The following AGPAT2 variants were observed in gnomAD, a reference collection of about 807,000 sequenced individuals.
AGPAT2 encodes the protein 1-acyl-sn-glycerol-3-phosphate acyltransferase beta.
A neutral mutation model predicts 26.1 loss-of-function variants in AGPAT2; 18 were observed. The ratio of observed to expected loss-of-function variants is 0.69; its 90% CI spans 0.48 to 1.02. AGPAT2 has a LOEUF of 1.02. Ranked by LOEUF, AGPAT2 falls within the 50% of genes least tolerant of loss-of-function variation. The pLI is 0.00. For synonymous variants in AGPAT2, 200 were observed against 174.2 expected (o/e 1.15, Z -1.16); for missense variants, 415 against 394.9 (o/e 1.05, Z -0.43).
chr9:136,676,168 G>C (rs1295794584), intron 4 of AGPAT2, among the ~76,000 whole-genome samples: 1 of 152,176 alleles, frequency 6.6e-6, no homozygotes, highest in East Asian at 1.9e-4. Context: ...GCTCTGGTCT[G>C]GCCTGATACT....
chr9:136,676,577 C>A lies in AGPAT2; in HGVS notation c.588+8G>T. The A allele has an allele frequency of 6.2e-7, 1 of 1,611,936 alleles. No homozygotes were observed. The highest frequency in any genetic ancestry group is 1.1e-5 in the South Asian group (1 of 90,996). ...GCACCCACCCAGGGAGGGCTGGGCTCAGCCTACCTGTGCCTGGACTGCCAG... is the reference window on the plus strand; with the variant it reads ...GCACCCACCCAGGGAGGGCTGGGCTAAGCCTACCTGTGCCTGGACTGCCAG... On this transcript the variant is annotated splice_region_variant and intron_variant, in intron 4 of 5. Transcript: ENST00000371696.
intron 1 of AGPAT2, 77 bp from the exon 2 acceptor site, chr9:136,677,633 G>A: frequency 1.3e-6 from 2 of 1,585,704 alleles, no homozygotes; most frequent in South Asian, 2.3e-5. Flanking sequence ...CTGGGGGTGG[G>A]GTGTGGAGGA....
At position 136,677,022 on chromosome 9, in the gene AGPAT2, T is replaced by G. The variant is rs1564291192; in HGVS notation, c.431A>C (p.Gln144Pro). Residue 144 changes from glutamine (Q) to proline (P), a missense_variant, in exon 3 of 6, where the codon CAG (glutamine) becomes CCG (proline). Transcript: ENST00000371696. ...YLGGVFFINR[Q>P]RSSTAMTVMA... ...CACTGTCATGGCAGTGCTAGAGCGC[T>G]GCCGGTTGATGAAGAAGACGCCCCC... The G allele has an allele frequency of 6.2e-7, 1 of 1,604,922 alleles. No homozygotes were observed. Among genetic ancestry groups the G allele is most frequent in the Non-Finnish European group, 8.5e-7 (1 of 1,175,692 alleles).
At chr9:136,676,035 T>G (rs1230094920) in intron 4 of AGPAT2, among the ~76,000 whole-genome samples, 1 of 152,086 alleles carries the variant, frequency 6.6e-6, no homozygotes, top group Admixed American at 6.5e-5. Flanking sequence ...GGACAGGTGC[T>G]GGGGGAATGG....
intron 5 of AGPAT2, among the ~76,000 whole-genome samples, chr9:136,674,178 A>C (rs1227382399): frequency 1.3e-5 from 2 of 152,116 alleles, no homozygotes; most frequent in African/African-American, 4.8e-5. Flanking sequence ...TACTGCCCCC[A>C]GAAAGCCCCA....
At chr9:136,682,657 T>A (rs1399207811) in intron 1 of AGPAT2, among the ~76,000 whole-genome samples, 1 of 152,238 alleles carries the variant, frequency 6.6e-6, no homozygotes, top group Non-Finnish European at 1.5e-5. Context: ...TAAGTGAGGC[T>A]GAGCCCAGAC....
chr9:136,679,685 C>T (rs574310471), intron 1 of AGPAT2, among the ~76,000 whole-genome samples: 14 of 152,220 alleles, frequency 9.2e-5, no homozygotes, highest in African/African-American at 2.9e-4. Context: ...ACGGCCGTGT[C>T]GCCAATCAAA....
Position 136,673,723 on chromosome 9 carries a change from CCCCA to C in AGPAT2, c.*25_*28del, listed in dbSNP as rs1564289188. On this transcript the variant is annotated 3_prime_UTR_variant, in exon 6 of 6. Transcript: ENST00000371696. ...CCAGCCATCGGCTTCCACCTGCCCT[CCCCA>C]GGTCATGCCCTGCCGTGGTCTGGGC... The C allele has an allele frequency of 1.2e-5, 18 of 1,540,020 alleles. No homozygotes were observed. The highest frequency in any genetic ancestry group is 1.5e-5 in the Non-Finnish European group (17 of 1,139,286).
rs121908926 is a variant in AGPAT2, at chr9:136,676,603, G to T, written c.570C>A (p.Tyr190Ter). 3 of 1,613,138 alleles carry T rather than the reference G, an allele frequency of 1.9e-6. No individual in the cohort carries two copies. In the African/African-American group the frequency reaches 4.0e-5, roughly 22 times the overall value. Residue 190 changes from tyrosine to a stop codon, truncating the protein, a stop_gained, in exon 4 of 6, where the codon TAC becomes TAA. Transcript: ENST00000371696. LOFTEE classifies it high-confidence loss of function. Reference protein sequence around the residue: ...DLLPFKKGAFYLAVQAQVPIV... With the variant: ...DLLPFKKGAF The stretch of plus-strand genomic sequence containing the variant: ...AGCCTACCTGTGCCTGGACTGCCAG[G>T]TAGAAGGCGCCCTTCTTAAAAGGCA...
At position 136,680,699 on chromosome 9, in the gene AGPAT2, TCTTG is replaced by T. The variant is rs574474850; in HGVS notation, c.183-3147_183-3144del. 3.7e-4 allele frequency among the ~76,000 whole-genome samples: 56 copies of T among 151,820 alleles called. 1 individual carries two copies. Among genetic ancestry groups the T allele is most frequent in the Admixed American group, 1.2e-3 (18 of 15,254 alleles). ...ATTTTTTATTTTTTTTGAGACGGAGTCTTGCTGTCACCTAGGCTGGAGTGCAGTG... is the reference window on the plus strand; with the variant it reads ...ATTTTTTATTTTTTTTGAGACGGAGTCTGTCACCTAGGCTGGAGTGCAGTG... On this transcript the variant is annotated intron_variant, in intron 1 of 5. Transcript: ENST00000371696.
rs1297522818 is a variant in AGPAT2, at chr9:136,687,420, C to A, written c.-63G>T. 12 of 1,347,290 alleles carry A rather than the reference C, an allele frequency of 8.9e-6. No homozygotes were observed. The highest frequency in any genetic ancestry group is 6.9e-5 in the South Asian group (4 of 57,804). 83.5% of individuals were successfully genotyped at this position (1,347,290 alleles called of 1,614,324 possible). On this transcript the variant is annotated 5_prime_UTR_variant, in exon 1 of 6. Coordinates refer to ENST00000371696, the MANE Select transcript of AGPAT2 (RefSeq NM_006412.4). ...CCCGCTCCCGCTCCCGCTTCTCCCC[C>A]GCGCGCTCAGGCCCCTTATTGCGAG...
chr9:136,674,387 C>T (rs1333367800), intron 5 of AGPAT2, among the ~76,000 whole-genome samples: 1 of 152,236 alleles, frequency 6.6e-6, no homozygotes, highest in Non-Finnish European at 1.5e-5. Context: ...TGCCCCTGGG[C>T]TGCCTGGGTT....
At chr9:136,674,872 A>AGCC in intron 4 of AGPAT2, 65 bp from the exon 5 acceptor site, 1 of 1,257,464 alleles carries the variant, frequency 8.0e-7, no homozygotes, top group Non-Finnish European at 1.1e-6. Context: ...CCCAGGCTGC[A>AGCC]TGTGGTTGGG....
At chr9:136,679,629 C>T (rs556321858) in intron 1 of AGPAT2, among the ~76,000 whole-genome samples, 2 of 152,204 alleles carry the variant, frequency 1.3e-5, no homozygotes, top group Non-Finnish European at 2.9e-5. Context: ...AGGCAAAAGC[C>T]GGCAGTTCAC....
chr9:136,682,986 A>G (rs538871350), intron 1 of AGPAT2, among the ~76,000 whole-genome samples: 215 of 141,910 alleles, frequency 1.5e-3, no homozygotes, highest in Non-Finnish European at 2.6e-3. Flanking sequence ...CTTACATTCT[A>G]TGAGGCGGAG....
Position 136,687,408 on chromosome 9 carries a change from CCGCTTCTCCCCCGCG to C in AGPAT2, c.-66_-52del. 7.3e-7 allele frequency: 1 copy of C among 1,373,494 alleles called. No individual in the cohort carries two copies. 85.1% of individuals were successfully genotyped at this position (1,373,494 alleles called of 1,614,324 possible). On this transcript the variant is annotated 5_prime_UTR_variant, in exon 1 of 6. Transcript: ENST00000371696. Reference sequence around the variant, plus strand: ...CGCCAGCTCGCTCCCGCTCCCGCTCCCGCTTCTCCCCCGCGCGCTCAGGCCCCTTATTGCGAGGGC... The same window carrying C: ...CGCCAGCTCGCTCCCGCTCCCGCTCCCGCTCAGGCCCCTTATTGCGAGGGC...
intron 4 of AGPAT2, among the ~76,000 whole-genome samples, chr9:136,675,743 G>A (rs1846082524): frequency 6.6e-6 from 1 of 152,174 alleles, no homozygotes; most frequent in African/African-American, 2.4e-5. Flanking sequence ...ATCAGCCCCA[G>A]GCTGGGCAGG....
Position 136,673,436 on chromosome 9 carries a change from C to T in AGPAT2, c.*316G>A, listed in dbSNP as rs1588260404. On this transcript the variant is annotated 3_prime_UTR_variant, in exon 6 of 6. Transcript: ENST00000371696. The stretch of plus-strand genomic sequence containing the variant: ...GTCCTCCCATCTGCTCCTGGGCCAT[C>T]GGGGGCCTTGTGGCTCAGCCCACCA... 1 of 262,814 alleles carries T rather than the reference C, an allele frequency of 3.8e-6. No homozygotes were observed. Among genetic ancestry groups the T allele is most frequent in the Non-Finnish European group, 7.2e-6 (1 of 138,498 alleles). 16.3% of individuals were successfully genotyped at this position (262,814 alleles called of 1,614,324 possible).
Position 136,684,969 on chromosome 9 carries a change from C to T in AGPAT2, c.182+2207G>A, listed in dbSNP as rs1434345471. ...CATCTGCCTTTCTCACCCCTCCCGA[C>T]GGCCCCCACGGAGGGAACGCACGTT... On this transcript the variant is annotated intron_variant, in intron 1 of 5. Coordinates refer to ENST00000371696, the MANE Select transcript of AGPAT2 (RefSeq NM_006412.4). Among the ~76,000 whole-genome samples the T allele has an allele frequency of 3.3e-5, 5 of 152,168 alleles. No individual in the cohort carries two copies. The East Asian group carries it at 5.8e-4, about 18-fold the overall frequency.
Sources: gnomAD v4.1 joint callset for allele counts (sites outside exome capture counted in the v4.1 genomes callset) on GRCh38, gnomAD v4.1.1 for gene constraint, MANE v1.5 for transcripts, NCBI Gene and HGNC (gene_info 2026-07-23, HGNC 2026-07-21) for gene names.